SERPINI2: variants seen among roughly 807,000 people sequenced by gnomAD.
SERPINI2 encodes serpin I2.
SERPINI2 carries 48 observed loss-of-function variants against 47.3 expected under a neutral mutation model. That is an observed-to-expected ratio of 1.02 (90% CI 0.81 to 1.29). SERPINI2 has a LOEUF of 1.29. SERPINI2 is among the 50% of genes most tolerant of loss of function. The pLI, the probability that SERPINI2 is intolerant of heterozygous loss-of-function variation, is 0.00. For missense variants in SERPINI2, 448 were observed against 456.9 expected (o/e 0.98, Z 0.18); for synonymous variants, 135 against 149.3 (o/e 0.90, Z 0.70).
At chr3:167,455,745 C>T (rs78736120) in intron 5 of SERPINI2, among the ~76,000 whole-genome samples, 3,579 of 152,176 alleles carry the variant, frequency 0.024, 122 homozygotes, top group African/African-American at 0.08. Context: ...AGGGAGGTAT[C>T]AGGAAACTTA....
chr3:167,446,734 A>C (rs1749490798), intron 7 of SERPINI2: 1 of 237,450 alleles, frequency 4.2e-6, no homozygotes, highest in South Asian at 1.5e-4. Flanking sequence ...CAAGCCAGAT[A>C]CCAGATTCAA....
intron 5 of SERPINI2, among the ~76,000 whole-genome samples, chr3:167,461,271 T>C (rs1749974532): frequency 6.6e-6 from 1 of 152,220 alleles, no homozygotes; most frequent in South Asian, 2.1e-4. Context: ...CCGTCATTTA[T>C]TTAGCACCTT....
intron 5 of SERPINI2, among the ~76,000 whole-genome samples, chr3:167,458,987 T>A (rs997928677): frequency 1.3e-5 from 2 of 152,196 alleles, no homozygotes; most frequent in African/African-American, 4.8e-5. Context: ...GTTTTTATAC[T>A]ATATTTTCAG....
At chr3:167,444,970 G>A (rs1199345699) in intron 8 of SERPINI2, among the ~76,000 whole-genome samples, 1 of 151,664 alleles carries the variant, frequency 6.6e-6, no homozygotes, top group African/African-American at 2.4e-5. Flanking sequence ...TTTTCTTTCT[G>A]TCTCCATACT....
chr3:167,470,550 C>CTTTTTTTTTTTTTTTTTTTTTTT (rs536884425), intron 2 of SERPINI2, among the ~76,000 whole-genome samples: 1 of 93,048 alleles, frequency 1.1e-5, no homozygotes, highest in African/African-American at 5.7e-5. Flanking sequence ...TGAGCAACAA[C>CTTTTTTTTTTTTTTTTTTTTTTT]TTTTTTTTTT....
intron 2 of SERPINI2, 128 bp downstream of exon 2, chr3:167,471,460 T>C: frequency 1.2e-6 from 1 of 869,078 alleles, no homozygotes. Context: ...ATTCTCCATT[T>C]TATTACAATT....
chr3:167,450,615 A>C (rs1053678519), intron 6 of SERPINI2, among the ~76,000 whole-genome samples: 2 of 152,174 alleles, frequency 1.3e-5, no homozygotes, highest in African/African-American at 4.8e-5. Flanking sequence ...TAAAGTGGAG[A>C]GAGATGGGCA....
chr3:167,445,636 A>G (rs1749457186), intron 8 of SERPINI2, among the ~76,000 whole-genome samples: 1 of 152,210 alleles, frequency 6.6e-6, no homozygotes, highest in African/African-American at 2.4e-5. Context: ...TGAGTAAAAT[A>G]TAATTTCTAC....
chr3:167,444,787 T>A (rs1297459042), intron 8 of SERPINI2, among the ~76,000 whole-genome samples: 1 of 152,198 alleles, frequency 6.6e-6, no homozygotes, highest in African/African-American at 2.4e-5. Context: ...TTAAGCATTA[T>A]CACAAATAAA....
rs1749680707 is a variant in SERPINI2 at position 167,452,934 on chromosome 3, A to C, written c.964+2T>G. On this transcript the variant is annotated splice_donor_variant, in intron 6 of 8. Coordinates refer to ENST00000264677, the Ensembl canonical transcript of SERPINI2. LOFTEE classifies it high-confidence loss of function. Reference sequence around the variant, plus strand: ...TAATATAAGAATTATTTATCATACTACCTGTTATTCCAGAAAGGTCGCAGC... The same window carrying C: ...TAATATAAGAATTATTTATCATACTCCCTGTTATTCCAGAAAGGTCGCAGC... 10 of 1,554,226 alleles carry C rather than the reference A, an allele frequency of 6.4e-6. No individual in the cohort carries two copies. In the East Asian group the frequency reaches 2.2e-4, roughly 35 times the overall value.
chr3:167,454,052 G>A lies in SERPINI2; in HGVS notation c.867-1019C>T, dbSNP rs542999010. On this transcript the variant is annotated intron_variant, in intron 5 of 8. Transcript: ENST00000264677. Reference sequence around the variant, plus strand: ...CAAAATTCCAGGCAATTCCCAATGAGGGGCTTTGTCTATGCCCTCTGGGCA... The same window carrying A: ...CAAAATTCCAGGCAATTCCCAATGAAGGGCTTTGTCTATGCCCTCTGGGCA... Among the ~76,000 whole-genome samples, 31 of 152,314 alleles carry A rather than the reference G, an allele frequency of 2.0e-4. 1 individual carries two copies. In the South Asian group the frequency reaches 6.4e-3, roughly 32 times the overall value.
At chr3:167,475,281 A>T (rs73045873), upstream of SERPINI2, among the ~76,000 whole-genome samples, 27 of 151,896 alleles carry the variant, frequency 1.8e-4, no homozygotes, top group Admixed American at 1.2e-3. Context: ...TCACACTGCA[A>T]TACATAAATA....
chr3:167,473,424 CT>C (rs1438849642), intron 1 of SERPINI2, among the ~76,000 whole-genome samples: 1 of 151,508 alleles, frequency 6.6e-6, no homozygotes, highest in African/African-American at 2.4e-5. Context: ...TCTCAGAAGA[CT>C]TCTGACCAAA....
rs1231940869 is a variant in SERPINI2, at chr3:167,453,036, G to T, written c.867-3C>A. ...CTACTTTTTGTTCTACTTTAAATCT[G>T]TTATTAAAAAAAAAAGAAAAAGAAA... On this transcript the variant is annotated splice_region_variant and splice_polypyrimidine_tract_variant and intron_variant, in intron 5 of 8. Coordinates refer to ENST00000264677, the Ensembl canonical transcript of SERPINI2. 6.1e-6 allele frequency: 9 copies of T among 1,466,946 alleles called. No individual in the cohort carries two copies. In the Admixed American group the frequency reaches 8.8e-5, roughly 14 times the overall value. The allele number at this position is 1,466,946 out of a possible 1,614,324, so 90.9% of individuals were successfully genotyped here.
chr3:167,473,753 T>A (rs1356015856), intron 1 of SERPINI2: 1 of 1,481,810 alleles, frequency 6.7e-7, no homozygotes, highest in South Asian at 1.3e-5. Flanking sequence ...AGGTTTTGGA[T>A]CATATCTTAT....
chr3:167,460,780 A>G (rs1012263336), intron 5 of SERPINI2, among the ~76,000 whole-genome samples: 38 of 152,200 alleles, frequency 2.5e-4, no homozygotes, highest in Non-Finnish European at 2.9e-5. Flanking sequence ...TCTGGTTTTT[A>G]AGATATTTAA....
At chr3:167,447,655 G>T (rs1281472543) in intron 7 of SERPINI2, among the ~76,000 whole-genome samples, 2 of 152,190 alleles carry the variant, frequency 1.3e-5, no homozygotes, top group African/African-American at 4.8e-5. Context: ...CCTCAGGTAA[G>T]CCACTTTACA....
At chr3:167,474,196 AACTG>A, upstream of SERPINI2, 3 of 856,574 alleles carry the variant, frequency 3.5e-6, no homozygotes, top group South Asian at 1.6e-4. Flanking sequence ...GTTAATGATC[AACTG>A]ATGAAATGTG....
intron 8 of SERPINI2, among the ~76,000 whole-genome samples, chr3:167,443,552 A>G (rs1749388109): frequency 6.6e-6 from 1 of 152,212 alleles, no homozygotes; most frequent in South Asian, 2.1e-4. Context: ...TAGATATTAC[A>G]TTTAGTCACA....
Sources: allele counts gnomAD v4.1 joint callset (sites outside exome capture counted in the v4.1 genomes callset), GRCh38; gene constraint gnomAD v4.1.1; transcripts MANE v1.5; gene names NCBI Gene and HGNC (gene_info 2026-07-23, HGNC 2026-07-21).